The following NOA1 variants were observed in gnomAD, a reference collection of about 807,000 sequenced individuals.
NOA1 encodes the protein nitric oxide associated 1.
In NOA1, 35 loss-of-function variants were observed where a neutral mutation model predicts 58.4. That is an observed-to-expected ratio of 0.60 (90% CI 0.46 to 0.79). NOA1 has a LOEUF of 0.79. Ranked by LOEUF, NOA1 falls within the 30% of genes least tolerant of loss-of-function variation. The probability of loss-of-function intolerance (pLI) is 0.00; values close to 1 mark genes in which losing one functional copy is unlikely to be tolerated. For synonymous variants in NOA1, 397 were observed against 373.4 expected, an observed-to-expected ratio of 1.06 and a Z score of -0.73; for missense variants, 895 against 894.6, an observed-to-expected ratio of 1.00 and a Z score of -0.01.
chr4:56,976,588 C>G lies in NOA1; in HGVS notation c.998G>C (p.Arg333Pro), dbSNP rs1285954279. The G allele has an allele frequency of 6.2e-7, 1 of 1,614,226 alleles. No homozygotes were observed. Among genetic ancestry groups the G allele is most frequent in the African/African-American group, 1.3e-5 (1 of 75,054 alleles). The change falls in exon 1 of 7, where the codon CGC (arginine) becomes CCC (proline). Residue 333 changes from arginine to proline, a missense_variant. By Grantham distance (103) the Arg-to-Pro change is moderately radical. Around this residue, in one of 3 missense-constraint regions of NOA1, gnomAD observed 680 missense variants for 656.5 expected, o/e 1.04. Coordinates refer to ENST00000264230, the MANE Select transcript of NOA1 (RefSeq NM_032313.4). Reference protein sequence around the residue: ...GVEELISALQRSWRYRGDVYL... With the variant: ...GVEELISALQPSWRYRGDVYL... Reference sequence around the variant, plus strand: ...GACGTCCCCACGGTAGCGCCAGGAGCGCTGAAGGGCAGAGATCAACTCTTC... The same window carrying G: ...GACGTCCCCACGGTAGCGCCAGGAGGGCTGAAGGGCAGAGATCAACTCTTC...
intron 1 of NOA1, among the ~76,000 whole-genome samples, chr4:56,974,584 G>A (rs564051887): frequency 1.3e-5 from 2 of 151,740 alleles, no homozygotes; most frequent in African/African-American, 4.8e-5. Flanking sequence ...CCTGGGAGGT[G>A]AGGGTTGCCG....
chr4:56,974,087 T>TTAATGATACGGCGATCACC, intron 1 of NOA1, 65 bp from the exon 2 acceptor site: 3 of 1,060,816 alleles, frequency 2.8e-6, no homozygotes, highest in Admixed American at 2.3e-5. Flanking sequence ...TGAACATTTT[T>TTAATGATACGGCGATCACC]GAGGATCTAC....
In NOA1 at chr4:56,963,575, G is replaced by A. The variant is rs1028362164; in HGVS notation, c.1972C>T (p.Pro658Ser). 5.6e-6 allele frequency: 9 copies of A among 1,613,968 alleles called. No individual in the cohort carries two copies. The highest frequency in any genetic ancestry group is 1.7e-5 in the Admixed American group (1 of 59,990). ...PEGTVLTVRP[P>S]LLPYIVNIKG... ...ATGTTAACAATATATGGCAAGAGAG[G>A]GGGCCGGACGGTCAAAACTGTTCCT... is the stretch of plus-strand genomic sequence containing the variant. The change falls in exon 7 of 7, where the codon CCT becomes TCT. Residue 658 changes from proline to serine, a missense_variant. Around this residue, in one of 3 missense-constraint regions of NOA1, gnomAD observed 212 missense variants for 221.3 expected, o/e 0.96. Transcript: ENST00000264230.
At chr4:56,967,537 A>C (rs1560463815) in intron 4 of NOA1, among the ~76,000 whole-genome samples, 1 of 152,214 alleles carries the variant, frequency 6.6e-6, no homozygotes, top group Non-Finnish European at 1.5e-5. Context: ...GTGCTATAGT[A>C]ATGGCACACA....
intron 3 of NOA1, among the ~76,000 whole-genome samples, chr4:56,968,913 A>G (rs1721763812): frequency 6.6e-6 from 1 of 152,240 alleles, no homozygotes. Flanking sequence ...GGTATACGTG[A>G]CCTTATGTCC....
intron 1 of NOA1, among the ~76,000 whole-genome samples, chr4:56,975,018 A>C (rs1721876681): frequency 6.8e-6 from 1 of 148,020 alleles, no homozygotes; most frequent in Non-Finnish European, 1.5e-5. Flanking sequence ...AGTTTCTTAA[A>C]GTCACAAGAC....
At chr4:56,974,962 C>T (rs1721874895) in intron 1 of NOA1, among the ~76,000 whole-genome samples, 1 of 151,986 alleles carries the variant, frequency 6.6e-6, no homozygotes, top group South Asian at 2.1e-4. Context: ...CTTGGCCTCC[C>T]AAAGTGCTCG....
At position 56,963,664 on chromosome 4, in the gene NOA1, A is replaced by G. The variant is rs551343580; in HGVS notation, c.1886-3T>C. The G allele has an allele frequency of 6.2e-7, 1 of 1,612,426 alleles. No homozygotes were observed. The highest frequency in any genetic ancestry group is 8.5e-7 in the Non-Finnish European group (1 of 1,178,468). Reference sequence around the variant, plus strand: ...ATTAGGTGTTACTGAAACCCAACCTATGCAGGCATGTGACACAACACAAAA... The same window carrying G: ...ATTAGGTGTTACTGAAACCCAACCTGTGCAGGCATGTGACACAACACAAAA... On this transcript the variant is annotated splice_polypyrimidine_tract_variant and splice_region_variant and intron_variant, in intron 6 of 6. Coordinates refer to ENST00000264230, the MANE Select transcript of NOA1 (RefSeq NM_032313.4).
intron 3 of NOA1, among the ~76,000 whole-genome samples, chr4:56,971,890 C>CTT (rs71657244): frequency 2.1e-5 from 3 of 140,594 alleles, no homozygotes; most frequent in African/African-American, 2.6e-5. Flanking sequence ...TAATGCTATT[C>CTT]TTTTTTTTTT....
chr4:56,965,348 T>C (rs1475086453), intron 5 of NOA1, among the ~76,000 whole-genome samples: 2 of 152,120 alleles, frequency 1.3e-5, no homozygotes, highest in African/African-American at 4.8e-5. Context: ...ATCTCTCCTG[T>C]GTTTAGCACT....
chr4:56,976,515 C>G lies in NOA1; in HGVS notation c.1071G>C (p.Thr357=). ...TNAGKSTLFN[T]LLESDYCTAK... is the part of the protein sequence containing the mutation. ...CAGTGCAGTAATCGGACTCCAGGAG[C>G]GTGTTAAAGAGAGTGGATTTGCCGG... The change falls in exon 1 of 7, where the codon ACG becomes ACC. Residue 357 remains threonine (T), a synonymous_variant. Coordinates refer to ENST00000264230, the MANE Select transcript of NOA1 (RefSeq NM_032313.4). 2 of 1,614,192 alleles carry G rather than the reference C, an allele frequency of 1.2e-6. No homozygotes were observed. The highest frequency in any genetic ancestry group is 1.7e-6 in the Non-Finnish European group (2 of 1,180,036).
chr4:56,972,538 C>T (rs1192647468), intron 3 of NOA1, among the ~76,000 whole-genome samples: 1 of 152,162 alleles, frequency 6.6e-6, no homozygotes, highest in Non-Finnish European at 1.5e-5. Flanking sequence ...CAGCTCAGTA[C>T]ACTCAATACA....
rs180919623 is a variant in NOA1 at position 56,971,915 on chromosome 4, G to C, written c.1515+1233C>G. ...CTTTTTTTTTTTTTTTTGAGACAGA[G>C]TCTTGCTCTGTCACCCAGACTGGAG... is the stretch of plus-strand genomic sequence containing the variant. On this transcript the variant is annotated intron_variant, in intron 3 of 6. Coordinates refer to ENST00000264230, the MANE Select transcript of NOA1 (RefSeq NM_032313.4). 1.0e-4 allele frequency among the ~76,000 whole-genome samples: 15 copies of C among 149,434 alleles called. No individual in the cohort carries two copies. In the East Asian group the frequency reaches 2.9e-3, roughly 29 times the overall value.
chr4:56,976,737 G>A lies in NOA1; in HGVS notation c.849C>T (p.His283=). 6.2e-7 allele frequency: 1 copy of A among 1,611,678 alleles called. No individual in the cohort carries two copies. The highest frequency in any genetic ancestry group is 1.1e-5 in the South Asian group (1 of 91,004). Residue 283 remains histidine, a synonymous_variant, in exon 1 of 7, where the codon CAC becomes CAT. Coordinates refer to ENST00000264230, the MANE Select transcript of NOA1 (RefSeq NM_032313.4). ...CCTTGACGGGGCGCTGTGGCCCTTG[G>A]TGGCCAGGGGCCAGCAGGAGCCCGG... ...ARAGLLLAPG[H]QGPQRPVKDE...
At chr4:56,973,735 C>A (rs752280421) in intron 2 of NOA1, 123 bp downstream of exon 2, 41 of 925,498 alleles carry the variant, frequency 4.4e-5, no homozygotes, top group Non-Finnish European at 6.5e-5. Flanking sequence ...CTCTTTGTTG[C>A]AGAATAAGGA....
In NOA1 at chr4:56,963,573, A is replaced by T. The variant is rs1721646689; in HGVS notation, c.1974T>A (p.Pro658=). The T allele has an allele frequency of 6.2e-7, 1 of 1,613,866 alleles. No homozygotes were observed. The highest frequency in any genetic ancestry group is 1.3e-5 in the African/African-American group (1 of 74,862). Residue 658 remains proline, a synonymous_variant, in exon 7 of 7, where the codon CCT becomes CCA. Coordinates refer to ENST00000264230, the MANE Select transcript of NOA1 (RefSeq NM_032313.4). The part of the protein sequence containing the change: ...PEGTVLTVRP[P]LLPYIVNIKG... ...TGATGTTAACAATATATGGCAAGAG[A>T]GGGGGCCGGACGGTCAAAACTGTTC...
chr4:56,973,318 GTTC>G lies in NOA1; in HGVS notation c.1342_1344del (p.Glu448del). ...AACTCAAAGGGAATGTTATCCTTCT[GTTC>G]TTCTGAATACAAGAATGTCCTTCCA... On this transcript the variant is annotated inframe_deletion, in exon 3 of 7. Transcript: ENST00000264230. 6.2e-7 allele frequency: 1 copy of G among 1,614,010 alleles called. No individual in the cohort carries two copies. Among genetic ancestry groups the G allele is most frequent in the Non-Finnish European group, 8.5e-7 (1 of 1,179,980 alleles).
chr4:56,977,286 C>T lies in NOA1; in HGVS notation c.300G>A (p.Glu100=). 1 of 1,613,942 alleles carries T rather than the reference C, an allele frequency of 6.2e-7. No individual in the cohort carries two copies. Among genetic ancestry groups the T allele is most frequent in the Non-Finnish European group, 8.5e-7 (1 of 1,179,988 alleles). ...GCCGCTGCTGCCTCTGTCGCTCCTC[C>T]TCCTCCTGCTGTTGCTGGAGCTCCT... is the stretch of plus-strand genomic sequence containing the variant. ...QLQELQQQQE[E]EERQRQQRRE... is the part of the protein sequence containing the mutation. The change falls in exon 1 of 7, where the codon GAG becomes GAA. Residue 100 remains glutamate, a synonymous_variant. Transcript: ENST00000264230.
Position 56,977,304 on chromosome 4 carries a change from G to A in NOA1, c.282C>T (p.Leu94=), listed in dbSNP as rs774406990. 6.8e-6 allele frequency: 11 copies of A among 1,613,988 alleles called. No homozygotes were observed. In the South Asian group the frequency reaches 1.1e-4, roughly 16 times the overall value. ...GCTCCTCCTCCTCCTGCTGTTGCTG[G>A]AGCTCCTGCAGCTGCTTTTCGCGGG... ...QPTREKQLQE[L]QQQQEEEERQ... The change falls in exon 1 of 7, where the codon CTC becomes CTT. Residue 94 remains leucine, a synonymous_variant. Transcript: ENST00000264230.
Sources: gnomAD v4.1 joint callset for allele counts (sites outside exome capture counted in the v4.1 genomes callset) on GRCh38, gnomAD v4.1.1 for gene constraint, gnomAD v4.1.1 regional missense constraint, MANE v1.5 for transcripts, NCBI Gene and HGNC (gene_info 2026-07-23, HGNC 2026-07-21) for gene names.